The following ADAMTSL3 variants were observed in gnomAD, a reference collection of about 807,000 sequenced individuals.
ADAMTSL3 encodes ADAMTS like 3, also known as ADAMTS-like protein 3.
Under a neutral mutation model 201.7 loss-of-function variants are expected in ADAMTSL3, and 128 were observed. That is an observed-to-expected ratio of 0.63 (90% CI 0.55 to 0.73). The LOEUF is 0.73. ADAMTSL3 is among the 30% of genes least tolerant of loss of function. ADAMTSL3 has a pLI of 0.00. For synonymous variants in ADAMTSL3, 738 were observed against 748.4 expected, an observed-to-expected ratio of 0.99 and a Z score of 0.23; for missense variants, 1,990 against 2,119.6, an observed-to-expected ratio of 0.94 and a Z score of 1.20.
At chr15:83,898,121 A>G in intron 14 of ADAMTSL3, 116 bp downstream of exon 14, 1 of 1,160,792 alleles carries the variant, frequency 8.6e-7, no homozygotes. Flanking sequence ...TTTTATTGAC[A>G]GATTGCAATA....
chr15:84,030,377 G>A (rs2068383466), intron 27 of ADAMTSL3, among the ~76,000 whole-genome samples: 1 of 152,186 alleles, frequency 6.6e-6, no homozygotes, highest in Non-Finnish European at 1.5e-5. Flanking sequence ...ACGGGGTCAT[G>A]TCTGGATGTG....
At chr15:83,720,080 G>A (rs562370674) in intron 3 of ADAMTSL3, among the ~76,000 whole-genome samples, 22 of 152,132 alleles carry the variant, frequency 1.4e-4, no homozygotes, top group Non-Finnish European at 2.4e-4. Context: ...ATTGCTGGGC[G>A]TGGTGGCTTA....
chr15:83,876,555 C>A (rs2065180739), intron 9 of ADAMTSL3, among the ~76,000 whole-genome samples: 1 of 152,090 alleles, frequency 6.6e-6, no homozygotes, highest in Admixed American at 6.6e-5. Flanking sequence ...CTGTTTGTAT[C>A]CTGGTTGAGA....
intron 2 of ADAMTSL3, among the ~76,000 whole-genome samples, chr15:83,689,552 A>G (rs1164692869): frequency 1.3e-5 from 2 of 152,212 alleles, no homozygotes; most frequent in African/African-American, 4.8e-5. Context: ...TTGACCTGTG[A>G]AGCTGAGCTC....
At chr15:83,671,229 C>T (rs555695383) in intron 2 of ADAMTSL3, among the ~76,000 whole-genome samples, 1 of 152,178 alleles carries the variant, frequency 6.6e-6, no homozygotes, top group Non-Finnish European at 1.5e-5. Context: ...GTTTAAATTG[C>T]ACAGAAATAA....
chr15:83,974,312 A>G (rs1596485099), intron 20 of ADAMTSL3, among the ~76,000 whole-genome samples: 1 of 152,230 alleles, frequency 6.6e-6, no homozygotes, highest in East Asian at 1.9e-4. Flanking sequence ...TGTGGGTCTC[A>G]GTTTTCTCAT....
At chr15:83,836,854 A>G (rs761690934) in intron 6 of ADAMTSL3, among the ~76,000 whole-genome samples, 6 of 152,176 alleles carry the variant, frequency 3.9e-5, no homozygotes, top group Non-Finnish European at 7.3e-5. Context: ...CCAGGTTTGT[A>G]CGTGGGTGTT....
intron 5 of ADAMTSL3, among the ~76,000 whole-genome samples, chr15:83,819,285 A>G (rs1433629690): frequency 6.6e-6 from 1 of 151,294 alleles, no homozygotes; most frequent in Non-Finnish European, 1.5e-5. Flanking sequence ...AAAAAAAACA[A>G]TGACAAAGAA....
rs149686073 is a variant in ADAMTSL3, at chr15:83,655,200, G to C, written c.-33-529G>C. ...AACTTAGCTCTCAGGCGTCTCTCTG[G>C]GTGTGGGTCCCGGACCTCGAGGGCG... On this transcript the variant is annotated intron_variant, in intron 1 of 29. Coordinates refer to ENST00000286744, the MANE Select transcript of ADAMTSL3 (RefSeq NM_207517.3). Among the ~76,000 whole-genome samples, 882 of 152,270 alleles carry C rather than the reference G, an allele frequency of 5.8e-3. 12 individuals carry two copies. The highest frequency in any genetic ancestry group is 0.02 in the African/African-American group (822 of 41,544).
chr15:83,670,863 T>A (rs1017689553), intron 2 of ADAMTSL3, among the ~76,000 whole-genome samples: 1 of 152,206 alleles, frequency 6.6e-6, no homozygotes, highest in African/African-American at 2.4e-5. Context: ...CTATTGCCAA[T>A]GGTGTGCAGA....
chr15:83,696,372 G>A (rs933636676), intron 2 of ADAMTSL3, among the ~76,000 whole-genome samples: 6 of 152,172 alleles, frequency 3.9e-5, no homozygotes, highest in African/African-American at 1.2e-4. Context: ...GAGTCACCAC[G>A]CCCTGCTTTG....
intron 16 of ADAMTSL3, among the ~76,000 whole-genome samples, chr15:83,918,913 A>G (rs1012139004): frequency 1.3e-5 from 2 of 152,170 alleles, no homozygotes; most frequent in Non-Finnish European, 2.9e-5. Context: ...AATGGTGACC[A>G]TGGTAGAGAT....
intron 2 of ADAMTSL3, among the ~76,000 whole-genome samples, chr15:83,687,183 C>T (rs912577739): frequency 5.3e-5 from 8 of 151,982 alleles, no homozygotes; most frequent in East Asian, 1.9e-4. Flanking sequence ...CAGCCTGGGC[C>T]GCAGAGTGAA....
At chr15:83,893,176 A>G (rs374590227) in intron 13 of ADAMTSL3, among the ~76,000 whole-genome samples, 20 of 152,208 alleles carry the variant, frequency 1.3e-4, no homozygotes, top group Non-Finnish European at 2.4e-4. Flanking sequence ...GTAAAGAACA[A>G]ATGTTGAAGC....
intron 3 of ADAMTSL3, among the ~76,000 whole-genome samples, chr15:83,762,627 T>A (rs940378353): frequency 6.6e-6 from 1 of 152,044 alleles, no homozygotes; most frequent in Non-Finnish European, 1.5e-5. Context: ...AAGCTCCTTA[T>A]AAGGGCCCTA....
intron 16 of ADAMTSL3, among the ~76,000 whole-genome samples, chr15:83,923,194 T>G (rs574219867): frequency 1.3e-5 from 2 of 152,304 alleles, no homozygotes. Flanking sequence ...GGGAATTTAA[T>G]TTTTAGGCTT....
intron 2 of ADAMTSL3, among the ~76,000 whole-genome samples, chr15:83,668,390 C>CT (rs990788089): frequency 1.6e-4 from 23 of 147,196 alleles, no homozygotes; most frequent in African/African-American, 2.7e-4. Context: ...GATATTTTCT[C>CT]TTTTTTTTTT....
chr15:83,908,169 G>C (rs944326790), intron 15 of ADAMTSL3, among the ~76,000 whole-genome samples: 11 of 152,200 alleles, frequency 7.2e-5, no homozygotes, highest in African/African-American at 2.7e-4. Context: ...TGTCATCCTG[G>C]ATGATGTTTA....
chr15:83,924,357 T>A (rs2066209521), intron 17 of ADAMTSL3, among the ~76,000 whole-genome samples: 1 of 152,208 alleles, frequency 6.6e-6, no homozygotes, highest in African/African-American at 2.4e-5. Flanking sequence ...GGGCACTTCT[T>A]CCCTTAATAT....
Sources: gnomAD v4.1 joint callset for allele counts (sites outside exome capture counted in the v4.1 genomes callset) on GRCh38, gnomAD v4.1.1 for gene constraint, MANE v1.5 for transcripts, NCBI Gene and HGNC (gene_info 2026-07-23, HGNC 2026-07-21) for gene names.